Variants in ARSB observed in about 807,000 individuals in gnomAD.
ARSB encodes the protein N-acetylgalactosamine-4-sulfatase.
Under a neutral mutation model 50.9 loss-of-function variants are expected in ARSB, and 41 were observed. The ratio of observed to expected loss-of-function variants is 0.81; its 90% CI spans 0.63 to 1.04. The LOEUF (loss-of-function observed/expected upper bound fraction) is 1.04, where lower values mean the gene tolerates loss of function less well. Among genes scored for constraint, ARSB ranks in the 50% least tolerant of loss-of-function variants. ARSB has a pLI of 0.00. For missense variants in ARSB, 672 were observed against 693.3 expected (o/e 0.97, Z 0.35); for synonymous variants, 269 against 284.8 (o/e 0.94, Z 0.56).
chr5:78,896,533 T>C (rs1748567883), intron 4 of ARSB, among the ~76,000 whole-genome samples: 1 of 152,232 alleles, frequency 6.6e-6, no homozygotes, highest in Non-Finnish European at 1.5e-5. Flanking sequence ...AAATTTGTGA[T>C]TACTATGCAT....
rs564961967 is a variant in ARSB, at chr5:78,969,410, C to T, written c.313-218G>A. Among the ~76,000 whole-genome samples the T allele has an allele frequency of 1.3e-4, 20 of 152,146 alleles. No individual in the cohort carries two copies. In the South Asian group the frequency reaches 2.9e-3, roughly 22 times the overall value. ...TGAAAGACAAATAAAACCATTCCAA[C>T]GAACAGATATTTTCAATATTTATCA... On this transcript the variant is annotated intron_variant, in intron 1 of 7. Transcript: ENST00000264914.
intron 4 of ARSB, among the ~76,000 whole-genome samples, chr5:78,940,666 C>A (rs1268135973): frequency 6.6e-6 from 1 of 152,170 alleles, no homozygotes; most frequent in African/African-American, 2.4e-5. Flanking sequence ...GTACCAGTAC[C>A]ATGCTGTTTC....
chr5:78,959,844 T>C (rs187496115), intron 3 of ARSB, among the ~76,000 whole-genome samples: 32 of 152,316 alleles, frequency 2.1e-4, no homozygotes, highest in Non-Finnish European at 4.0e-4. Flanking sequence ...CCTAGTGGAA[T>C]GAATTAACTA....
chr5:78,784,117 T>C (rs1374771006), intron 6 of ARSB, among the ~76,000 whole-genome samples: 6 of 152,354 alleles, frequency 3.9e-5, no homozygotes, highest in Non-Finnish European at 1.5e-5. Context: ...TATTGTGACT[T>C]CAGTGCATCC....
chr5:78,857,210 C>G (rs146331262), intron 5 of ARSB, among the ~76,000 whole-genome samples: 4 of 152,270 alleles, frequency 2.6e-5, no homozygotes, highest in African/African-American at 7.2e-5. Flanking sequence ...ATGAAACACA[C>G]TGGGGTAGAT....
At chr5:78,863,515 C>T (rs1746552846) in intron 5 of ARSB, among the ~76,000 whole-genome samples, 1 of 150,594 alleles carries the variant, frequency 6.6e-6, no homozygotes, top group South Asian at 2.1e-4. Flanking sequence ...GGACAGAAAA[C>T]CAAACACTGC....
chr5:78,956,842 G>A (rs868242267), intron 3 of ARSB, among the ~76,000 whole-genome samples: 3 of 152,256 alleles, frequency 2.0e-5, no homozygotes, highest in Admixed American at 6.5e-5. Context: ...CCACTATTAC[G>A]ATATGGATGT....
intron 4 of ARSB, among the ~76,000 whole-genome samples, chr5:78,909,526 T>C (rs1264591769): frequency 6.6e-6 from 1 of 152,180 alleles, no homozygotes; most frequent in East Asian, 1.9e-4. Flanking sequence ...AAACATGTGT[T>C]GTATGGAATC....
In ARSB at chr5:78,962,162, C is replaced by A. The variant is rs554746098; in HGVS notation, c.690+2254G>T. ...CTGTGACCTTGAACAAGTTACTTAACTTCTCTAAGCCAGTTTGCTTATGTG... is the reference window on the plus strand; with the variant it reads ...CTGTGACCTTGAACAAGTTACTTAAATTCTCTAAGCCAGTTTGCTTATGTG... On this transcript the variant is annotated intron_variant, in intron 3 of 7. Transcript: ENST00000264914. Among the ~76,000 whole-genome samples, 31 of 152,248 alleles carry A rather than the reference C, an allele frequency of 2.0e-4. No individual in the cohort carries two copies. In the South Asian group the frequency reaches 6.2e-3, roughly 31 times the overall value.
intron 4 of ARSB, among the ~76,000 whole-genome samples, chr5:78,903,921 T>A (rs186774739): frequency 3.3e-5 from 5 of 152,088 alleles, no homozygotes; most frequent in African/African-American, 1.2e-4. Flanking sequence ...ACAAATAGAG[T>A]CATATAAATA....
chr5:78,839,405 T>A lies in ARSB; in HGVS notation c.1164A>T (p.Arg388Ser). Reference protein sequence around the residue: ...KTISEGSPSPRIELLHNIDPN... With the variant: ...KTISEGSPSPSIELLHNIDPN... Reference sequence around the variant, plus strand: ...GGTCAATATTATGCAGCAGCTCAATTCTGGGGGATGGGCTTCCTTCACTGG... The same window carrying A: ...GGTCAATATTATGCAGCAGCTCAATACTGGGGGATGGGCTTCCTTCACTGG... Residue 388 changes from arginine (R) to serine (S), a missense_variant, in exon 6 of 8, where the codon AGA becomes AGT. By Grantham distance (110) the Arg-to-Ser change is moderately radical. Transcript: ENST00000264914. 1 of 1,613,826 alleles carries A rather than the reference T, an allele frequency of 6.2e-7. No individual in the cohort carries two copies. The highest frequency in any genetic ancestry group is 1.3e-5 in the African/African-American group (1 of 75,030).
At chr5:78,945,299 C>T (rs1267687458) in intron 4 of ARSB, among the ~76,000 whole-genome samples, 12 of 152,130 alleles carry the variant, frequency 7.9e-5, no homozygotes, top group Non-Finnish European at 1.3e-4. Flanking sequence ...ACCCACTGTC[C>T]AACAATCCCC....
chr5:78,977,389 G>A (rs2112557475), intron 1 of ARSB, among the ~76,000 whole-genome samples: 1 of 152,134 alleles, frequency 6.6e-6, no homozygotes, highest in South Asian at 2.1e-4. Context: ...CCTGACCTCA[G>A]GTGATCCGCC....
chr5:78,852,243 A>G (rs1745840505), intron 5 of ARSB, among the ~76,000 whole-genome samples: 2 of 152,024 alleles, frequency 1.3e-5, no homozygotes, highest in Non-Finnish European at 1.5e-5. Flanking sequence ...CTCTTTTAGG[A>G]CAGGCCTGGT....
chr5:78,839,278 G>A, intron 6 of ARSB, 78 bp downstream of exon 6: 1 of 1,368,616 alleles, frequency 7.3e-7, no homozygotes, highest in Non-Finnish European at 1.0e-6. Context: ...AGAAAGCTAG[G>A]CTAGAGACAC....
intron 4 of ARSB, among the ~76,000 whole-genome samples, chr5:78,914,792 G>A (rs113584905): frequency 0.051 from 7,776 of 152,162 alleles, 639 homozygotes; most frequent in African/African-American, 0.18. Context: ...TCAGCCTCCC[G>A]AGTAGCTGGG....
chr5:78,970,707 A>C (rs1303644524), intron 1 of ARSB, among the ~76,000 whole-genome samples: 8 of 152,146 alleles, frequency 5.3e-5, no homozygotes, highest in Admixed American at 4.6e-4. Context: ...CAATCCCAAC[A>C]CTTTGGGAGG....
At chr5:78,806,072 C>T (rs1159672837) in intron 6 of ARSB, among the ~76,000 whole-genome samples, 6 of 152,196 alleles carry the variant, frequency 3.9e-5, no homozygotes, top group African/African-American at 7.2e-5. Context: ...TGCACTAATG[C>T]GCTATGAGTA....
chr5:78,936,596 T>C (rs1276730194), intron 4 of ARSB, among the ~76,000 whole-genome samples: 1 of 152,174 alleles, frequency 6.6e-6, no homozygotes, highest in Non-Finnish European at 1.5e-5. Flanking sequence ...GGAAGCTGTC[T>C]TTCTCACTTA....
Sources: allele counts gnomAD v4.1 joint callset (sites outside exome capture counted in the v4.1 genomes callset), GRCh38; gene constraint gnomAD v4.1.1; transcripts MANE v1.5; gene names NCBI Gene and HGNC (gene_info 2026-07-23, HGNC 2026-07-21).